The following UGT1A8 variants were observed in gnomAD, a reference collection of about 807,000 sequenced individuals.
UGT1A8 encodes the protein UDP-glucuronosyltransferase 1A8.
In UGT1A8, 39 loss-of-function variants were observed where a neutral mutation model predicts 45.3. The observed-to-expected ratio is 0.86, with a 90% CI of 0.67 to 1.12. The LOEUF is 1.12. UGT1A8 is among the 50% of genes most tolerant of loss of function. UGT1A8 has a pLI of 0.00. For missense variants in UGT1A8, 719 were observed against 664.9 expected (o/e 1.08, Z -0.90); for synonymous variants, 275 against 249.2 (o/e 1.10, Z -0.97).
At position 233,761,942 on chromosome 2, in the gene UGT1A8, C is replaced by T. The variant is rs912615378; in HGVS notation, c.856-5092C>T. ...CAGCCCAGGCACTTCCCAGGTGCTG[C>T]GTCTGGCTCCCATTAAGGGGACTGA... On this transcript the variant is annotated intron_variant, in intron 1 of 4. Coordinates refer to ENST00000373450, the MANE Select transcript of UGT1A8 (RefSeq NM_019076.5). Among the ~76,000 whole-genome samples the T allele has an allele frequency of 2.6e-5, 4 of 152,302 alleles. No homozygotes were observed. The South Asian group carries it at 8.3e-4, about 32-fold the overall frequency.
chr2:233,719,204 T>G, intron 1 of UGT1A8: 1 of 1,614,240 alleles, frequency 6.2e-7, no homozygotes, highest in Non-Finnish European at 8.5e-7. Flanking sequence ...ATAGGTGTTG[T>G]GTGGAGCTAC....
chr2:233,761,815 G>A (rs928491400), intron 1 of UGT1A8, among the ~76,000 whole-genome samples: 1 of 152,190 alleles, frequency 6.6e-6, no homozygotes, highest in African/African-American at 2.4e-5. Context: ...GAACAGGAGA[G>A]GCTCCTTCAG....
chr2:233,631,488 T>C (rs2073184378), intron 1 of UGT1A8, among the ~76,000 whole-genome samples: 1 of 152,190 alleles, frequency 6.6e-6, no homozygotes, highest in Non-Finnish European at 1.5e-5. Context: ...CTCCACATCC[T>C]CTCCAGCATA....
Position 233,722,378 on chromosome 2 carries a change from G to A in UGT1A8, c.856-44656G>A, listed in dbSNP as rs140434446. Among the ~76,000 whole-genome samples, 1,163 of 152,214 alleles carry A rather than the reference G, an allele frequency of 7.6e-3. 5 individuals are homozygous for A. The highest frequency in any genetic ancestry group is 8.8e-3 in the Non-Finnish European group (598 of 68,014). On this transcript the variant is annotated intron_variant, in intron 1 of 4. Coordinates refer to ENST00000373450, the MANE Select transcript of UGT1A8 (RefSeq NM_019076.5). ...TACAAGACTAAAGTTGAAATCTTACGTTTCTTCTCCCTCTCTTTCTCCTTG... is the reference window on the plus strand; with the variant it reads ...TACAAGACTAAAGTTGAAATCTTACATTTCTTCTCCCTCTCTTTCTCCTTG...
chr2:233,699,028 C>T (rs1427032707), intron 1 of UGT1A8, among the ~76,000 whole-genome samples: 1 of 152,216 alleles, frequency 6.6e-6, no homozygotes, highest in Non-Finnish European at 1.5e-5. Flanking sequence ...AGCCACCAGG[C>T]AGTCCCAGAT....
At chr2:233,731,342 T>C (rs749214489) in intron 1 of UGT1A8, among the ~76,000 whole-genome samples, 10 of 152,040 alleles carry the variant, frequency 6.6e-5, no homozygotes, top group Non-Finnish European at 1.2e-4. Context: ...AATTGCAGGT[T>C]TGATACATAG....
intron 1 of UGT1A8, among the ~76,000 whole-genome samples, chr2:233,669,085 T>G (rs1414549039): frequency 6.6e-6 from 1 of 152,234 alleles, no homozygotes. Flanking sequence ...GATACCCAAC[T>G]GTTGAAGAGT....
intron 1 of UGT1A8, among the ~76,000 whole-genome samples, chr2:233,674,425 G>A (rs1388010755): frequency 6.6e-6 from 1 of 152,044 alleles, no homozygotes; most frequent in Non-Finnish European, 1.5e-5. Flanking sequence ...TGTAGTAACA[G>A]GCACCACTTA....
At chr2:233,705,231 T>C (rs77358763) in intron 1 of UGT1A8, among the ~76,000 whole-genome samples, 5,756 of 152,326 alleles carry the variant, frequency 0.038, 132 homozygotes, top group Non-Finnish European at 0.058. Flanking sequence ...CAGTGCTTTT[T>C]TTCTGTATGA....
chr2:233,732,056 T>C (rs1452180341), intron 1 of UGT1A8, among the ~76,000 whole-genome samples: 3 of 152,242 alleles, frequency 2.0e-5, no homozygotes, highest in Admixed American at 6.5e-5. Context: ...CATTTATTCA[T>C]GTGTCTGTTG....
At chr2:233,673,136 C>T (rs1367777382) in intron 1 of UGT1A8, among the ~76,000 whole-genome samples, 2 of 152,078 alleles carry the variant, frequency 1.3e-5, no homozygotes, top group Non-Finnish European at 2.9e-5. Context: ...GTTTTGTGAA[C>T]ATTCTTTTAA....
At chr2:233,664,376 T>G (rs1023458355) in intron 1 of UGT1A8, among the ~76,000 whole-genome samples, 1 of 152,224 alleles carries the variant, frequency 6.6e-6, no homozygotes, top group Non-Finnish European at 1.5e-5. Flanking sequence ...GTACCAATTT[T>G]CTATTAGTAC....
intron 1 of UGT1A8, among the ~76,000 whole-genome samples, chr2:233,679,726 A>C (rs749005080): frequency 1.3e-5 from 2 of 152,136 alleles, no homozygotes; most frequent in African/African-American, 2.4e-5. Flanking sequence ...TTTTAAAGCC[A>C]AACCTCTTTG....
intron 1 of UGT1A8, chr2:233,636,456 A>G: frequency 6.5e-7 from 1 of 1,544,830 alleles, no homozygotes; most frequent in Admixed American, 2.0e-5. Flanking sequence ...TTGTGCCTGT[A>G]CTTCTTCCGC....
At chr2:233,655,713 G>T (rs187663919) in intron 1 of UGT1A8, among the ~76,000 whole-genome samples, 13 of 152,302 alleles carry the variant, frequency 8.5e-5, no homozygotes, top group African/African-American at 1.9e-4. Context: ...TGGCCTCAGG[G>T]TGCCTGTCAG....
At chr2:233,725,044 AGGCGTGGCGGCGCGCGCCTGCAATCGCAG>A (rs1160459932) in intron 1 of UGT1A8, among the ~76,000 whole-genome samples, 1 of 148,048 alleles carries the variant, frequency 6.8e-6, no homozygotes, top group Non-Finnish European at 1.5e-5. Flanking sequence ...AAAACCAGTC[AGGCGTGGCGGCGCGCGCCTGCAATCGCAG>A]GCACTCGGCA....
intron 1 of UGT1A8, chr2:233,760,237 TATATATATATAA>T (rs1319876317): frequency 6.3e-7 from 1 of 1,597,346 alleles, no homozygotes; most frequent in South Asian, 1.1e-5. Flanking sequence ...TTTTGCCATA[TATATATATATAA>T]GTAGGAGAGG....
chr2:233,617,763 C>A lies in UGT1A8; in HGVS notation c.56C>A (p.Thr19Asn). The A allele has an allele frequency of 3.1e-6, 5 of 1,614,134 alleles. No homozygotes were observed. Among genetic ancestry groups the A allele is most frequent in the Non-Finnish European group, 4.2e-6 (5 of 1,180,026 alleles). Residue 19 changes from threonine (T) to asparagine (N), a missense_variant, in exon 1 of 5, where the codon ACC becomes AAC. By Grantham distance (65) the Thr-to-Asn change is moderately conservative. Coordinates refer to ENST00000373450, the MANE Select transcript of UGT1A8 (RefSeq NM_019076.5). Reference protein sequence around the residue: ...PIPLCVSLLLTCGFAEAGKLL... With the variant: ...PIPLCVSLLLNCGFAEAGKLL... ...CCCCTATGTGTTTCTCTGCTGCTGACCTGTGGCTTTGCTGAGGCAGGGAAG... is the reference window on the plus strand; with the variant it reads ...CCCCTATGTGTTTCTCTGCTGCTGAACTGTGGCTTTGCTGAGGCAGGGAAG...
At chr2:233,634,328 C>T (rs907963524) in intron 1 of UGT1A8, among the ~76,000 whole-genome samples, 2 of 152,090 alleles carry the variant, frequency 1.3e-5, no homozygotes. Context: ...ATTAGGTTTG[C>T]TTGGTCCAGA....
Sources: allele counts gnomAD v4.1 joint callset (sites outside exome capture counted in the v4.1 genomes callset), GRCh38; gene constraint gnomAD v4.1.1; transcripts MANE v1.5; gene names NCBI Gene and HGNC (gene_info 2026-07-23, HGNC 2026-07-21).